DSP: variants seen among roughly 807,000 people sequenced by gnomAD.
DSP encodes the protein 250/210 kDa paraneoplastic pemphigus antigen.
DSP carries 114 observed loss-of-function variants against 290.6 expected under a neutral mutation model. The observed-to-expected ratio is 0.39, with a 90% CI of 0.34 to 0.46. The LOEUF (loss-of-function observed/expected upper bound fraction) is 0.46, where lower values mean the gene tolerates loss of function less well. DSP is among the 20% of genes least tolerant of loss of function. The probability of loss-of-function intolerance (pLI) is 0.99; values close to 1 mark genes in which losing one functional copy is unlikely to be tolerated. For synonymous variants in DSP, 1,311 were observed against 1,316.4 expected, an observed-to-expected ratio of 1.00 and a Z score of 0.09; for missense variants, 3,230 against 3,495.8, an observed-to-expected ratio of 0.92 and a Z score of 1.92.
chr6:7,559,170 A>T, intron 3 of DSP, 56 bp from the exon 4 acceptor site: 1 of 1,600,244 alleles, frequency 6.2e-7, no homozygotes, highest in Non-Finnish European at 8.6e-7. Flanking sequence ...ATTTGCCCAG[A>T]ACGGGTTTTC....
intron 16 of DSP, 23 bp from the exon 17 acceptor site, chr6:7,574,634 T>G (rs775732173): frequency 6.2e-7 from 1 of 1,613,954 alleles, no homozygotes; most frequent in South Asian, 1.1e-5. Flanking sequence ...GGCAATTTTA[T>G]GTGCTTCTTT....
chr6:7,556,350 C>T (rs1758506171), intron 2 of DSP, among the ~76,000 whole-genome samples: 1 of 152,112 alleles, frequency 6.6e-6, no homozygotes, highest in African/African-American at 2.4e-5. Context: ...ACTGAGACAT[C>T]CTAGGATCTC....
At chr6:7,546,003 G>A (rs551740991) in intron 1 of DSP, among the ~76,000 whole-genome samples, 2 of 152,326 alleles carry the variant, frequency 1.3e-5, no homozygotes, top group African/African-American at 4.8e-5. Context: ...ATAGGCAGAG[G>A]GAAGCTGGTG....
chr6:7,566,865 C>T (rs542559651), intron 8 of DSP, among the ~76,000 whole-genome samples: 284 of 152,350 alleles, frequency 1.9e-3, no homozygotes, highest in African/African-American at 6.5e-3. Context: ...TTGGGCCACG[C>T]TCAAGGCTGA....
rs769196176 is a variant in DSP at position 7,570,452 on chromosome 6, C to T, written c.1590C>T (p.Tyr530=). 7.4e-6 allele frequency: 12 copies of T among 1,614,000 alleles called. No homozygotes were observed. The highest frequency in any genetic ancestry group is 6.7e-5 in the East Asian group (3 of 44,888). Residue 530 remains tyrosine (Y), a synonymous_variant, in exon 13 of 24, where the codon TAC becomes TAT. Coordinates refer to ENST00000379802, the MANE Select transcript of DSP (RefSeq NM_004415.4). ...VDLSCKIEQY[Y]EAILALWNQL... The stretch of plus-strand genomic sequence containing the variant: ...TGCCTCTTAGGATTGAGCAGTACTA[C>T]GAAGCCATCTTGGCTCTGTGGAACC...
At position 7,584,964 on chromosome 6, in the gene DSP, G is replaced by A. The variant is rs139486943; in HGVS notation, c.7702G>A (p.Gly2568Ser). ...ADMISLKNGV[G>S]TSSSMGSGVS... is the part of the protein sequence containing the mutation. ...CATGATCTCCTTGAAAAATGGTGTC[G>A]GCACCAGCAGCAGCATGGGCAGTGG... is the stretch of plus-strand genomic sequence containing the variant. The change falls in exon 24 of 24, where the codon GGC becomes AGC. Residue 2568 changes from glycine to serine, a missense_variant. By Grantham distance (56) the Gly-to-Ser change is moderately conservative. This residue lies in a region of DSP where 582 missense variants were observed against 555.4 expected (regional missense o/e 1.05). Transcript: ENST00000379802. This position sits in a 1 kb window ranked among gnomAD's most constrained non-coding sequence, Gnocchi z 6.4. 17 of 1,614,016 alleles carry A rather than the reference G, an allele frequency of 1.1e-5. No homozygotes were observed. Among genetic ancestry groups the A allele is most frequent in the Admixed American group, 5.0e-5 (3 of 59,992 alleles).
rs145963404 is a variant in DSP at position 7,575,506 on chromosome 6, C to T, written c.2630+18C>T. ...GACTTTAGGTATGCCAGCCTCCTCCCGCTCCTTCCCCATCTTCTCCCCTTT... is the reference window on the plus strand; with the variant it reads ...GACTTTAGGTATGCCAGCCTCCTCCTGCTCCTTCCCCATCTTCTCCCCTTT... On this transcript the variant is annotated intron_variant, in intron 18 of 23. Coordinates refer to ENST00000379802, the MANE Select transcript of DSP (RefSeq NM_004415.4). 1,662 of 1,613,928 alleles carry T rather than the reference C, an allele frequency of 1.0e-3. 13 individuals are homozygous for T. The African/African-American group carries it at 0.02, about 19-fold the overall frequency.
At position 7,578,516 on chromosome 6, in the gene DSP, A is replaced by G. The variant is rs776753203; in HGVS notation, c.3038A>G (p.Tyr1013Cys). ...YIELLTRSGDYYRFLSEMLKS... is the reference protein window; with the variant it reads ...YIELLTRSGDCYRFLSEMLKS... Reference sequence around the variant, plus strand: ...GAACTACTTACAAGATCTGGAGACTATTACAGGTTCTTAAGTGAGATGCTG... The same window carrying G: ...GAACTACTTACAAGATCTGGAGACTGTTACAGGTTCTTAAGTGAGATGCTG... The change falls in exon 22 of 24, where the codon TAT becomes TGT. Residue 1013 changes from tyrosine to cysteine, a missense_variant. Physicochemically the swap from Tyr to Cys is radical, Grantham distance 194 (BLOSUM62 -2). Around this residue, in one of 5 missense-constraint regions of DSP, gnomAD observed 1,714 missense variants for 1,844.5 expected, o/e 0.93. Transcript: ENST00000379802. 4 of 1,613,760 alleles carry G rather than the reference A, an allele frequency of 2.5e-6. No homozygotes were observed. Among genetic ancestry groups the G allele is most frequent in the Admixed American group, 3.3e-5 (2 of 59,996 alleles).
chr6:7,580,196 G>A lies in DSP; in HGVS notation c.4006G>A (p.Glu1336Lys). Reference protein sequence around the residue: ...EIERLKAEFQEEAKRRWEYEN... With the variant: ...EIERLKAEFQKEAKRRWEYEN... ...CGAGAGACTCAAAGCTGAGTTTCAG[G>A]AGGAGGCCAAGCGCCGCTGGGAATA... Residue 1336 changes from glutamate (E) to lysine (K), a missense_variant, in exon 23 of 24, where the codon GAG (glutamate) becomes AAG (lysine). Physicochemically the swap from Glu to Lys is moderately conservative, Grantham distance 56. Coordinates refer to ENST00000379802, the MANE Select transcript of DSP (RefSeq NM_004415.4). This position sits in a 1 kb window ranked among gnomAD's most constrained non-coding sequence, Gnocchi z 4.2. 1 of 1,614,096 alleles carries A rather than the reference G, an allele frequency of 6.2e-7. No individual in the cohort carries two copies. The highest frequency in any genetic ancestry group is 8.5e-7 in the Non-Finnish European group (1 of 1,180,036).
In DSP at chr6:7,555,739, G is replaced by A. The variant is rs908789038; in HGVS notation, c.192G>A (p.Arg64=). The A allele has an allele frequency of 2.5e-6, 4 of 1,614,080 alleles. No individual in the cohort carries two copies. The highest frequency in any genetic ancestry group is 1.1e-5 in the South Asian group (1 of 91,086). ...TTAGTCAAACCGGCACGATGTCCAGGCACCAGAACCAGAACACCATCCAGG... is the reference window on the plus strand; with the variant it reads ...TTAGTCAAACCGGCACGATGTCCAGACACCAGAACCAGAACACCATCCAGG... ...DGYCQTGTMS[R]HQNQNTIQEL... The change falls in exon 2 of 24, where the codon AGG becomes AGA. Residue 64 remains arginine, a synonymous_variant. Transcript: ENST00000379802.
rs541322417 is a variant in DSP, at chr6:7,586,060, C to T, written c.*182C>T. On this transcript the variant is annotated 3_prime_UTR_variant, in exon 24 of 24. Coordinates refer to ENST00000379802, the MANE Select transcript of DSP (RefSeq NM_004415.4). The stretch of plus-strand genomic sequence containing the variant: ...CTGTTCTGGCTTTTTATCTTCTTAG[C>T]TCATCTTAAATAAGCAGTACACTTG... The T allele has an allele frequency of 7.5e-6, 5 of 663,536 alleles. No individual in the cohort carries two copies. In the African/African-American group the frequency reaches 9.1e-5, roughly 12 times the overall value. The allele number at this position is 663,536 out of a possible 1,614,324, so 41.1% of individuals were successfully genotyped here.
intron 1 of DSP, among the ~76,000 whole-genome samples, chr6:7,549,479 A>C (rs1378475252): frequency 6.6e-6 from 1 of 152,192 alleles, no homozygotes; most frequent in Non-Finnish European, 1.5e-5. Context: ...TATCATCCTT[A>C]AATGAAGTAT....
intron 2 of DSP, among the ~76,000 whole-genome samples, chr6:7,556,368 C>A (rs1758506371): frequency 6.6e-6 from 1 of 152,192 alleles, no homozygotes; most frequent in Non-Finnish European, 1.5e-5. Context: ...CTCATCGAAT[C>A]CAGATTAGAA....
chr6:7,568,426 C>T lies in DSP; in HGVS notation c.1267-11C>T. ...ATCTATGTTTAAGTATGATTTTATT[C>T]ACCATTGCAGAAAGAACGAGAGAAA... On this transcript the variant is annotated splice_polypyrimidine_tract_variant and intron_variant, in intron 10 of 23. Transcript: ENST00000379802. 6.2e-7 allele frequency: 1 copy of T among 1,613,868 alleles called. No homozygotes were observed. Among genetic ancestry groups the T allele is most frequent in the Non-Finnish European group, 8.5e-7 (1 of 1,179,944 alleles).
intron 17 of DSP, 49 bp from the exon 18 acceptor site, chr6:7,575,246 C>A (rs781650958): frequency 2.5e-6 from 4 of 1,600,414 alleles, no homozygotes; most frequent in Non-Finnish European, 2.6e-6. Flanking sequence ...GTGTAGCATA[C>A]AATGGGAGAA....
At chr6:7,550,890 T>A (rs1758321662) in intron 1 of DSP, among the ~76,000 whole-genome samples, 1 of 152,102 alleles carries the variant, frequency 6.6e-6, no homozygotes, top group Non-Finnish European at 1.5e-5. Context: ...TTAATTTAAT[T>A]CCTAACATGA....
Position 7,582,214 on chromosome 6 carries a change from TTATC to T in DSP, c.5380-424_5380-421del, listed in dbSNP as rs1217039273. On this transcript the variant is annotated intron_variant, in intron 23 of 23. Transcript: ENST00000379802. This position sits in a 1 kb window ranked among gnomAD's most constrained non-coding sequence, Gnocchi z 4.2. ...AATTATATAATTACATAATATATATTTATCTATAATATATATTTTATATAATATA... is the reference window on the plus strand; with the variant it reads ...AATTATATAATTACATAATATATATTTATAATATATATTTTATATAATATA... Among the ~76,000 whole-genome samples, 2 of 137,428 alleles carry T rather than the reference TTATC, an allele frequency of 1.5e-5. No homozygotes were observed. The highest frequency in any genetic ancestry group is 3.1e-5 in the Non-Finnish European group (2 of 64,268). 90.2% of individuals were successfully genotyped at this position (137,428 alleles called of 152,430 possible).
chr6:7,574,516 A>T (rs1182271667), intron 16 of DSP, 141 bp from the exon 17 acceptor site: 1 of 1,260,318 alleles, frequency 7.9e-7, no homozygotes, highest in African/African-American at 1.5e-5. Flanking sequence ...GTTGGTCTGA[A>T]TCACAATAGA....
At position 7,555,748 on chromosome 6, in the gene DSP, C is replaced by G; in HGVS notation, c.201C>G (p.Asn67Lys). Residue 67 changes from asparagine to lysine, a missense_variant, in exon 2 of 24, where the codon AAC (asparagine) becomes AAG (lysine). Physicochemically the swap from Asn to Lys is moderately conservative, Grantham distance 94 (BLOSUM62 0). Transcript: ENST00000379802. ...CQTGTMSRHQ[N>K]QNTIQELLQN... ...CCGGCACGATGTCCAGGCACCAGAA[C>G]CAGAACACCATCCAGGAGCTGCTGC... 6.2e-7 allele frequency: 1 copy of G among 1,614,268 alleles called. No individual in the cohort carries two copies. The highest frequency in any genetic ancestry group is 1.1e-5 in the South Asian group (1 of 91,086).
Sources: allele counts gnomAD v4.1 joint callset (sites outside exome capture counted in the v4.1 genomes callset), GRCh38; gene constraint gnomAD v4.1.1; regional missense constraint gnomAD v4.1.1; non-coding constraint Gnocchi (gnomAD v3.1); transcripts MANE v1.5; gene names NCBI Gene and HGNC (gene_info 2026-07-23, HGNC 2026-07-21).